CACNB4: variants seen among roughly 807,000 people sequenced by gnomAD.
CACNB4 encodes calcium voltage-gated channel auxiliary subunit beta 4.
A neutral mutation model predicts 71.2 loss-of-function variants in CACNB4; 32 were observed. The observed-to-expected ratio is 0.45, with a 90% CI of 0.34 to 0.60. CACNB4 has a LOEUF of 0.60. Among genes scored for constraint, CACNB4 ranks in the 20% least tolerant of loss-of-function variants. The pLI, the probability that CACNB4 is intolerant of heterozygous loss-of-function variation, is 0.01. For missense variants in CACNB4, 464 were observed against 647.9 expected (o/e 0.72, Z 3.08); for synonymous variants, 231 against 236.9 (o/e 0.97, Z 0.23).
intron 2 of CACNB4, among the ~76,000 whole-genome samples, chr2:152,064,147 G>A (rs1476193666): frequency 6.6e-6 from 1 of 152,204 alleles, no homozygotes; most frequent in Non-Finnish European, 1.5e-5. Flanking sequence ...ATGTCTAACG[G>A]TGAGTACATG....
chr2:151,858,384 T>A (rs2099840809), intron 10 of CACNB4: 1 of 152,162 alleles, frequency 6.6e-6, no homozygotes, highest in Non-Finnish European at 1.5e-5. Context: ...CCAAAGTGAG[T>A]ACTCTGGAAC....
intron 2 of CACNB4, among the ~76,000 whole-genome samples, chr2:152,025,363 A>G (rs193036063): frequency 6.6e-6 from 1 of 152,346 alleles, no homozygotes; most frequent in East Asian, 1.9e-4. Flanking sequence ...CGGTGGAATG[A>G]GAACCAAGAA....
At chr2:152,010,342 T>C (rs983488305) in intron 2 of CACNB4, among the ~76,000 whole-genome samples, 1 of 152,210 alleles carries the variant, frequency 6.6e-6, no homozygotes, top group African/African-American at 2.4e-5. Context: ...GAATACTTGC[T>C]ACACTGGCAG....
chr2:151,856,264 G>A (rs900913577), intron 10 of CACNB4, among the ~76,000 whole-genome samples: 3 of 151,176 alleles, frequency 2.0e-5, no homozygotes, highest in Non-Finnish European at 2.9e-5. Context: ...ATTGGATCAT[G>A]CCCAAAGTCT....
At chr2:151,939,979 CT>C (rs1379127878) in intron 2 of CACNB4, among the ~76,000 whole-genome samples, 2 of 152,082 alleles carry the variant, frequency 1.3e-5, no homozygotes, top group Non-Finnish European at 2.9e-5. Flanking sequence ...ATCCAAAAAT[CT>C]GCCTAATTTC....
intron 4 of CACNB4, among the ~76,000 whole-genome samples, chr2:151,877,596 T>C (rs2099846771): frequency 6.6e-6 from 1 of 152,234 alleles, no homozygotes; most frequent in Non-Finnish European, 1.5e-5. Context: ...CACGATACTA[T>C]CTGTGGTCTA....
intron 2 of CACNB4, among the ~76,000 whole-genome samples, chr2:152,012,892 GACTC>G (rs140765724): frequency 0.059 from 8,967 of 152,152 alleles, 922 homozygotes; most frequent in East Asian, 0.46. Flanking sequence ...GTTCACTCAG[GACTC>G]ACTCACTGAC....
chr2:151,923,830 G>A (rs139402804), intron 2 of CACNB4, among the ~76,000 whole-genome samples: 89 of 152,194 alleles, frequency 5.8e-4, no homozygotes, highest in African/African-American at 2.1e-3. Context: ...TGGAAGACTG[G>A]GAAATTGTTT....
At chr2:151,992,691 C>A (rs1474219181) in intron 2 of CACNB4, among the ~76,000 whole-genome samples, 2 of 152,222 alleles carry the variant, frequency 1.3e-5, no homozygotes, top group Admixed American at 6.5e-5. Flanking sequence ...GGGAAAGCTA[C>A]AAGCTAGCCA....
intron 2 of CACNB4, among the ~76,000 whole-genome samples, chr2:151,994,855 A>G (rs1413431868): frequency 1.3e-5 from 2 of 151,780 alleles, no homozygotes; most frequent in African/African-American, 4.8e-5. Flanking sequence ...GCTGGTCTTG[A>G]ACTCCTGGCC....
At chr2:151,988,451 A>G (rs1681498174) in intron 2 of CACNB4, among the ~76,000 whole-genome samples, 1 of 152,198 alleles carries the variant, frequency 6.6e-6, no homozygotes, top group Admixed American at 6.5e-5. Context: ...TAATAAATAT[A>G]TATAATAAAA....
intron 2 of CACNB4, among the ~76,000 whole-genome samples, chr2:152,052,244 A>C (rs1161908026): frequency 1.3e-5 from 2 of 152,246 alleles, no homozygotes; most frequent in African/African-American, 4.8e-5. Context: ...AAAGTATTGA[A>C]TGTCTCATGT....
chr2:151,994,439 C>T (rs779942322), intron 2 of CACNB4, among the ~76,000 whole-genome samples: 1 of 151,964 alleles, frequency 6.6e-6, no homozygotes, highest in Non-Finnish European at 1.5e-5. Flanking sequence ...CTCCTGGCCT[C>T]AAGTGATCTG....
chr2:151,985,665 C>T (rs1681314480), intron 2 of CACNB4, among the ~76,000 whole-genome samples: 1 of 121,704 alleles, frequency 8.2e-6, no homozygotes, highest in Non-Finnish European at 1.8e-5. Flanking sequence ...TCCACCGCTG[C>T]CTTAATTTTC....
intron 2 of CACNB4, among the ~76,000 whole-genome samples, chr2:152,069,251 G>A (rs543370614): frequency 5.3e-5 from 8 of 152,068 alleles, no homozygotes; most frequent in South Asian, 2.1e-4. Context: ...TTCTTCACCC[G>A]CTCCAATCCC....
intron 3 of CACNB4, among the ~76,000 whole-genome samples, chr2:151,881,581 G>A (rs770174570): frequency 2.0e-4 from 31 of 152,206 alleles, no homozygotes; most frequent in Non-Finnish European, 4.0e-4. Context: ...CTAAGCAAAC[G>A]GTGCTGCCAC....
intron 2 of CACNB4, among the ~76,000 whole-genome samples, chr2:152,093,698 A>C (rs754738892): frequency 2.0e-5 from 3 of 152,174 alleles, no homozygotes; most frequent in Non-Finnish European, 4.4e-5. Context: ...GCCGCTGCCA[A>C]AAGCTCTAGT....
chr2:151,898,865 C>T (rs970699543), intron 2 of CACNB4, among the ~76,000 whole-genome samples: 2 of 152,270 alleles, frequency 1.3e-5, no homozygotes, highest in African/African-American at 2.4e-5. Flanking sequence ...TGATGATGGG[C>T]ATAGAGTGAA....
Position 151,876,364 on chromosome 2 carries a change from C to T in CACNB4, c.521+62G>A, listed in dbSNP as rs2099846249. 3 of 1,456,426 alleles carry T rather than the reference C, an allele frequency of 2.1e-6. No homozygotes were observed. In the South Asian group the frequency reaches 3.8e-5, roughly 18 times the overall value. The allele number at this position is 1,456,426 out of a possible 1,614,324, so 90.2% of individuals were successfully genotyped here. On this transcript the variant is annotated intron_variant, in intron 5 of 13. Transcript: ENST00000539935. ...TATCTTCTACTTTGAAAGTATACAC[C>T]CTTGAAAATATCACCCAATTTTCTG...
Sources: allele counts gnomAD v4.1 joint callset (sites outside exome capture counted in the v4.1 genomes callset), GRCh38; gene constraint gnomAD v4.1.1; transcripts MANE v1.5; gene names NCBI Gene and HGNC (gene_info 2026-07-23, HGNC 2026-07-21).